Variants in MATK observed in about 807,000 individuals in gnomAD.
MATK encodes megakaryocyte-associated tyrosine-protein kinase.
A neutral mutation model predicts 59.8 loss-of-function variants in MATK; 41 were observed. That is an observed-to-expected ratio of 0.69 (90% CI 0.53 to 0.89). The LOEUF (loss-of-function observed/expected upper bound fraction) is 0.89, where lower values mean the gene tolerates loss of function less well. MATK is among the 40% of genes least tolerant of loss of function. The pLI, the probability that MATK is intolerant of heterozygous loss-of-function variation, is 0.00. For missense variants in MATK, 593 were observed against 719.6 expected (o/e 0.82, Z 2.01); for synonymous variants, 308 against 306.1 (o/e 1.01, Z -0.06).
Position 3,785,044 on chromosome 19 carries a change from T to A in MATK, c.72+20A>T. 1 of 1,609,744 alleles carries A rather than the reference T, an allele frequency of 6.2e-7. No individual in the cohort carries two copies. Among genetic ancestry groups the A allele is most frequent in the Non-Finnish European group, 8.5e-7 (1 of 1,176,198 alleles). On this transcript the variant is annotated intron_variant, in intron 2 of 13. Transcript: ENST00000310132. ...ACCCAGAACTGGCTCCCCAAGCCCC[T>A]GTGGGGAAGTGATCTTTACCCGGGG...
chr19:3,783,841 G>C lies in MATK; in HGVS notation c.555C>G (p.Phe185Leu), dbSNP rs756543042. 1.2e-6 allele frequency: 2 copies of C among 1,612,820 alleles called. No homozygotes were observed. Among genetic ancestry groups the C allele is most frequent in the Admixed American group, 3.3e-5 (2 of 59,974 alleles). ...CCACCATGTCCATGAGGTTGCAGAA[G>C]AACACGGCCTCATCGATTGTGAGGT... ...DGHLTIDEAV[F>L]FCNLMDMVEH... is the part of the protein sequence containing the mutation. Residue 185 changes from phenylalanine to leucine, a missense_variant, in exon 6 of 14, where the codon TTC becomes TTG. Transcript: ENST00000310132.
Position 3,778,347 on chromosome 19 carries a change from G to A in MATK, c.1360C>T (p.His454Tyr). The change falls in exon 14 of 14, where the codon CAC becomes TAC. Residue 454 changes from histidine to tyrosine, a missense_variant. By Grantham distance (83) the His-to-Tyr change is moderately conservative. Coordinates refer to ENST00000310132, the MANE Select transcript of MATK (RefSeq NM_139355.3). ...EPPEGCPGPVHVLMSSCWEAE... is the reference protein window; with the variant it reads ...EPPEGCPGPVYVLMSSCWEAE... ...TCCCAGCAGCTGCTCATGAGGACGT[G>A]CACGGGGCCTGGACAGCCCTCGGGG... 6.3e-7 allele frequency: 1 copy of A among 1,590,148 alleles called. No individual in the cohort carries two copies. Among genetic ancestry groups the A allele is most frequent in the Non-Finnish European group, 8.5e-7 (1 of 1,170,442 alleles).
Position 3,778,609 on chromosome 19 carries a change from GA to G in MATK, c.1198-15del. 5.0e-6 allele frequency: 8 copies of G among 1,602,152 alleles called. No individual in the cohort carries two copies. The highest frequency in any genetic ancestry group is 6.8e-6 in the Non-Finnish European group (8 of 1,174,548). ...GCTGGTGAACTTCTGTGGGGCCCGAGACGGGGGTGAGGAGGGACCCCTCAGG... is the reference window on the plus strand; with the variant it reads ...GCTGGTGAACTTCTGTGGGGCCCGAGCGGGGGTGAGGAGGGACCCCTCAGG... On this transcript the variant is annotated splice_polypyrimidine_tract_variant and intron_variant, in intron 12 of 13. Transcript: ENST00000310132.
rs1568408573 is a variant in MATK, at chr19:3,786,251, T to C, written c.-234A>G. The stretch of plus-strand genomic sequence containing the variant: ...GAGCCGGCTGCACACCCCGAGGCGG[T>C]CCCGGCTGCACAACTTGGAGCGAGT... On this transcript the variant is annotated 5_prime_UTR_variant, in exon 1 of 14. Coordinates refer to ENST00000310132, the MANE Select transcript of MATK (RefSeq NM_139355.3). This position sits in a 1 kb window ranked among gnomAD's most constrained non-coding sequence, Gnocchi z 4.1. 11 of 984,964 alleles carry C rather than the reference T, an allele frequency of 1.1e-5. No homozygotes were observed. Among genetic ancestry groups the C allele is most frequent in the Non-Finnish European group, 1.2e-5 (10 of 829,856 alleles). The allele number at this position is 984,964 out of a possible 1,614,324, so 61.0% of individuals were successfully genotyped here.
intron 7 of MATK, among the ~76,000 whole-genome samples, chr19:3,782,634 A>G (rs981217468): frequency 2.6e-5 from 4 of 152,194 alleles, no homozygotes; most frequent in Admixed American, 6.6e-5. Flanking sequence ...CCATGCAGGC[A>G]GGTTCTGGAA....
chr19:3,785,265 C>A lies in MATK; in HGVS notation c.-130G>T, dbSNP rs28388578. On this transcript the variant is annotated 5_prime_UTR_variant, in exon 2 of 14. Coordinates refer to ENST00000310132, the MANE Select transcript of MATK (RefSeq NM_139355.3). Reference sequence around the variant, plus strand: ...GGTAGGGAGCTGGGTGCCACTGGACCGAGCCTGGTTCTTCCTGTTTTCTGG... The same window carrying A: ...GGTAGGGAGCTGGGTGCCACTGGACAGAGCCTGGTTCTTCCTGTTTTCTGG... 2.6e-6 allele frequency: 4 copies of A among 1,535,638 alleles called. No individual in the cohort carries two copies. Among genetic ancestry groups the A allele is most frequent in the Admixed American group, 2.0e-5 (1 of 49,208 alleles).
intron 1 of MATK, among the ~76,000 whole-genome samples, chr19:3,800,392 G>C (rs1162763674): frequency 6.6e-6 from 1 of 152,056 alleles, no homozygotes; most frequent in Non-Finnish European, 1.5e-5. Context: ...ACTTTGGGAG[G>C]CCAAGCACTT....
rs1023085593 is a variant in MATK, at chr19:3,781,745, G to C, written c.677-73C>G. The stretch of plus-strand genomic sequence containing the variant: ...TCCCATTGGGGGTTCTACTTGGTGA[G>C]AGACTAGGTGATGTCTCTCACAGTG... On this transcript the variant is annotated intron_variant, in intron 7 of 13. Transcript: ENST00000310132. The C allele has an allele frequency of 3.4e-6, 4 of 1,189,712 alleles. No individual in the cohort carries two copies. In the South Asian group the frequency reaches 4.9e-5, roughly 14 times the overall value. 73.7% of individuals were successfully genotyped at this position (1,189,712 alleles called of 1,614,324 possible). A position where few individuals can be genotyped will look rare whatever the true frequency, so the allele number is the denominator to read the frequency against.
rs372434178 is a variant in MATK at position 3,801,287 on chromosome 19, G to C, written c.-58+245C>G. 8.5e-4 allele frequency among the ~76,000 whole-genome samples: 129 copies of C among 152,294 alleles called. 1 individual carries two copies. The East Asian group carries it at 0.022, about 26-fold the overall frequency. ...AGAAGCTAAACTAGGGAGGCATCCC[G>C]GGACAAGACGGGCAACAATCTTTTC... On this transcript the variant is annotated intron_variant, in intron 1 of 13. Coordinates refer to the MATK transcript ENST00000395045.
intron 1 of MATK, among the ~76,000 whole-genome samples, chr19:3,793,914 A>C (rs1015375715): frequency 5.7e-4 from 87 of 152,244 alleles, no homozygotes; most frequent in African/African-American, 2.0e-3. Flanking sequence ...CATGGTTCCC[A>C]CTAAGCTCAG....
At position 3,783,044 on chromosome 19, in the gene MATK, G is replaced by A. The variant is rs1281317763; in HGVS notation, c.676+82C>T. On this transcript the variant is annotated intron_variant, in intron 7 of 13. Coordinates refer to ENST00000310132, the MANE Select transcript of MATK (RefSeq NM_139355.3). ...CAGGCTTGGGTGATCTGGCCTCAGAGGTGCGGGGCCCCAGGGCCCTTCCTC... is the reference window on the plus strand; with the variant it reads ...CAGGCTTGGGTGATCTGGCCTCAGAAGTGCGGGGCCCCAGGGCCCTTCCTC... The A allele has an allele frequency of 3.8e-6, 5 of 1,301,758 alleles. No individual in the cohort carries two copies. The East Asian group carries it at 6.9e-5, about 18-fold the overall frequency. 80.6% of individuals were successfully genotyped at this position (1,301,758 alleles called of 1,614,324 possible).
At chr19:3,785,355 C>G in intron 1 of MATK, 69 bp from the exon 2 acceptor site, 1 of 1,094,666 alleles carries the variant, frequency 9.1e-7, no homozygotes, top group East Asian at 2.7e-5. Flanking sequence ...AATCTCTGAC[C>G]GTGGGGTGGA....
chr19:3,786,817 A>C (rs750506014), upstream of MATK, among the ~76,000 whole-genome samples: 1 of 152,136 alleles, frequency 6.6e-6, no homozygotes, highest in Non-Finnish European at 1.5e-5. This position sits in a 1 kb window ranked among gnomAD's most constrained non-coding sequence, Gnocchi z 4.1. Flanking sequence ...ATTAAGGGAA[A>C]ATTGGAGTAA....
At chr19:3,794,247 C>T (rs752421582) in intron 1 of MATK, among the ~76,000 whole-genome samples, 2 of 152,310 alleles carry the variant, frequency 1.3e-5, no homozygotes, top group South Asian at 2.1e-4. Context: ...TTGCTTCCCA[C>T]GACAGAATAT....
At position 3,783,871 on chromosome 19, in the gene MATK, G is replaced by T; in HGVS notation, c.525C>A (p.Asp175Glu). The change falls in exon 6 of 14, where the codon GAC (aspartate) becomes GAA (glutamate). Residue 175 changes from aspartate to glutamate, a missense_variant. Physicochemically the swap from Asp to Glu is conservative, Grantham distance 45. Coordinates refer to ENST00000310132, the MANE Select transcript of MATK (RefSeq NM_139355.3). ...CGGCCTCATCGATTGTGAGGTGGCC[G>T]TCGCGGTGCAGCACGCGGTAGTGGA... ...DVIHYRVLHR[D>E]GHLTIDEAVF... 1 of 1,613,180 alleles carries T rather than the reference G, an allele frequency of 6.2e-7. No homozygotes were observed. Among genetic ancestry groups the T allele is most frequent in the African/African-American group, 1.3e-5 (1 of 75,042 alleles).
chr19:3,792,510 CTTT>C (rs140778999), intron 1 of MATK, among the ~76,000 whole-genome samples: 1 of 99,748 alleles, frequency 1.0e-5, no homozygotes. Context: ...ATTTCCAACT[CTTT>C]TTTTTTTTTT....
chr19:3,786,439 C>T (rs2037486198), upstream of MATK: 5 of 973,686 alleles, frequency 5.1e-6, no homozygotes, highest in East Asian at 1.2e-4. This position sits in a 1 kb window ranked among gnomAD's most constrained non-coding sequence, Gnocchi z 4.1. Context: ...GCCTCCGCGG[C>T]CCCCGGCGCC....
intron 1 of MATK, among the ~76,000 whole-genome samples, chr19:3,792,889 C>T (rs529129746): frequency 1.6e-3 from 238 of 152,328 alleles, no homozygotes; most frequent in Middle Eastern, 3.4e-3. Context: ...CATGGGGACA[C>T]CTGAGCCGCC....
exon 1 of MATK, chr19:3,801,636 T>G (rs1339700103): frequency 6.6e-6 from 1 of 152,256 alleles, no homozygotes; most frequent in Admixed American, 6.6e-5. Context: ...TCCAGCCCCC[T>G]GCAGCCTGGT....
Sources: gnomAD v4.1 joint callset for allele counts (sites outside exome capture counted in the v4.1 genomes callset) on GRCh38, gnomAD v4.1.1 for gene constraint, Gnocchi (gnomAD v3.1) non-coding constraint, MANE v1.5 for transcripts, NCBI Gene and HGNC (gene_info 2026-07-23, HGNC 2026-07-21) for gene names.